Variants in SLC25A48 observed in about 807,000 individuals in gnomAD.
SLC25A48 encodes CTC-321K16.1.
SLC25A48 carries 29 observed loss-of-function variants against 32.2 expected under a neutral mutation model. The ratio of observed to expected loss-of-function variants is 0.90; its 90% CI spans 0.67 to 1.23. The LOEUF is 1.23. SLC25A48 is among the 50% of genes most tolerant of loss of function. The probability of loss-of-function intolerance (pLI) is 0.00; values close to 1 mark genes in which losing one functional copy is unlikely to be tolerated. For missense variants in SLC25A48, 399 were observed against 422.7 expected (o/e 0.94, Z 0.49); for synonymous variants, 164 against 172.3 (o/e 0.95, Z 0.38).
At chr5:135,679,147 C>G (rs779765999) in intron 3 of SLC25A48, among the ~76,000 whole-genome samples, 1 of 152,056 alleles carries the variant, frequency 6.6e-6, no homozygotes, top group Non-Finnish European at 1.5e-5. Context: ...CCAAGTGGTC[C>G]ATTTTGGTTT....
At chr5:135,824,735 CAG>C (rs1236506441) in intron 4 of SLC25A48, 1 of 152,372 alleles carries the variant, frequency 6.6e-6, no homozygotes, top group Non-Finnish European at 1.5e-5. Flanking sequence ...GCTGGTCACA[CAG>C]GGGCTCCCAA....
upstream of SLC25A48, among the ~76,000 whole-genome samples, chr5:135,831,463 G>T (rs1258488931): frequency 6.6e-6 from 1 of 152,218 alleles, no homozygotes; most frequent in South Asian, 2.1e-4. Flanking sequence ...TGACAGCAGA[G>T]ATACAGATAT....
At chr5:135,773,274 T>C (rs1186401538) in intron 3 of SLC25A48, among the ~76,000 whole-genome samples, 1 of 151,522 alleles carries the variant, frequency 6.6e-6, no homozygotes, top group African/African-American at 2.4e-5. Flanking sequence ...CTTCCTGGAA[T>C]GTTGGTATTA....
intron 3 of SLC25A48, among the ~76,000 whole-genome samples, chr5:135,751,363 T>C (rs940710977): frequency 6.6e-6 from 1 of 152,200 alleles, no homozygotes; most frequent in African/African-American, 2.4e-5. Context: ...TTGCTCCATA[T>C]GTCACTTCAT....
chr5:135,791,287 A>C (rs186153237), intron 3 of SLC25A48, among the ~76,000 whole-genome samples: 4 of 151,804 alleles, frequency 2.6e-5, no homozygotes, highest in Non-Finnish European at 4.4e-5. Context: ...TATTATTCAT[A>C]ATATCTTAGG....
chr5:135,709,525 C>T (rs1193356340), intron 3 of SLC25A48, among the ~76,000 whole-genome samples: 3 of 152,226 alleles, frequency 2.0e-5, no homozygotes, highest in African/African-American at 7.2e-5. Flanking sequence ...GGGCAAGGCC[C>T]TGGAATCTGC....
chr5:135,829,261 C>A (rs901777501), intron 4 of SLC25A48, among the ~76,000 whole-genome samples: 3 of 152,184 alleles, frequency 2.0e-5, no homozygotes, highest in African/African-American at 7.2e-5. Context: ...ACCTTGACAG[C>A]AGCACGCAGC....
At chr5:135,642,473 T>C (rs534273040) in intron 3 of SLC25A48, among the ~76,000 whole-genome samples, 2 of 152,256 alleles carry the variant, frequency 1.3e-5, no homozygotes, top group Admixed American at 6.5e-5. Flanking sequence ...TGCTTGGCTC[T>C]GCTGGCTCAA....
At chr5:135,638,137 T>C (rs1042756017) in intron 3 of SLC25A48, among the ~76,000 whole-genome samples, 2 of 152,198 alleles carry the variant, frequency 1.3e-5, no homozygotes, top group Non-Finnish European at 2.9e-5. Flanking sequence ...TGAAGCTGTA[T>C]GCATTTTGAT....
intron 1 of SLC25A48, among the ~76,000 whole-genome samples, chr5:135,586,448 AT>A (rs1751368026): frequency 6.6e-6 from 1 of 152,354 alleles, no homozygotes; most frequent in African/African-American, 2.4e-5. Context: ...TGTGGCCTGT[AT>A]TTTAACTGGC....
chr5:135,840,531 G>C (rs1398361915), intron 1 of SLC25A48, among the ~76,000 whole-genome samples: 1 of 152,174 alleles, frequency 6.6e-6, no homozygotes, highest in African/African-American at 2.4e-5. Flanking sequence ...TTTTTCTCAT[G>C]ACCAAAGAAG....
At chr5:135,795,961 T>C (rs1388588803) in intron 3 of SLC25A48, among the ~76,000 whole-genome samples, 1 of 127,860 alleles carries the variant, frequency 7.8e-6, no homozygotes, top group East Asian at 2.6e-4. Flanking sequence ...AGTGATATGG[T>C]TCATAATATT....
chr5:135,598,193 C>T (rs747891187), intron 1 of SLC25A48, among the ~76,000 whole-genome samples: 2 of 152,184 alleles, frequency 1.3e-5, no homozygotes, highest in Non-Finnish European at 2.9e-5. Context: ...GTTATGTTGG[C>T]TTTCCTGGGC....
At chr5:135,833,606 G>A (rs1758287040), upstream of SLC25A48, among the ~76,000 whole-genome samples, 1 of 152,166 alleles carries the variant, frequency 6.6e-6, no homozygotes, top group African/African-American at 2.4e-5. Flanking sequence ...GGGATGGGGT[G>A]TGATGCTTCC....
intron 3 of SLC25A48, among the ~76,000 whole-genome samples, chr5:135,796,473 G>A (rs533034320): frequency 1.3e-5 from 2 of 151,804 alleles, no homozygotes; most frequent in East Asian, 1.9e-4. Flanking sequence ...ATCCCAGGGA[G>A]TGTACACACC....
intron 3 of SLC25A48, chr5:135,742,614 G>T: frequency 1.3e-6 from 1 of 797,812 alleles, no homozygotes; most frequent in South Asian, 1.7e-5. Flanking sequence ...AAAGTTTAGG[G>T]GATGAGGTTT....
At chr5:135,871,197 G>A (rs1287952235) in intron 4 of SLC25A48, among the ~76,000 whole-genome samples, 1 of 151,984 alleles carries the variant, frequency 6.6e-6, no homozygotes, top group Non-Finnish European at 1.5e-5. Context: ...CATTTGCTTC[G>A]AAAGAAGTAG....
At chr5:135,592,452 C>T (rs1751549538) in intron 1 of SLC25A48, among the ~76,000 whole-genome samples, 1 of 152,184 alleles carries the variant, frequency 6.6e-6, no homozygotes, top group African/African-American at 2.4e-5. Flanking sequence ...AGTACCAGGA[C>T]TGTATCTGTA....
chr5:135,710,014 A>G (rs1484213703), intron 3 of SLC25A48, among the ~76,000 whole-genome samples: 1 of 152,228 alleles, frequency 6.6e-6, no homozygotes, highest in Non-Finnish European at 1.5e-5. Context: ...AGCTCACAAC[A>G]TGATGACATT....
Sources: allele counts gnomAD v4.1 joint callset (sites outside exome capture counted in the v4.1 genomes callset), GRCh38; gene constraint gnomAD v4.1.1; transcripts MANE v1.5; gene names NCBI Gene and HGNC (gene_info 2026-07-23, HGNC 2026-07-21).